Variants in UNC13C observed in about 807,000 individuals in gnomAD.
UNC13C encodes protein unc-13 homolog C.
Under a neutral mutation model 245.4 loss-of-function variants are expected in UNC13C, and 174 were observed. The observed-to-expected ratio is 0.71, with a 90% CI of 0.63 to 0.80. UNC13C has a LOEUF of 0.80. Among genes scored for constraint, UNC13C ranks in the 30% least tolerant of loss-of-function variants. UNC13C has a pLI of 0.00. For synonymous variants in UNC13C, 992 were observed against 895.1 expected, an observed-to-expected ratio of 1.11 and a Z score of -1.93; for missense variants, 2,829 against 2,602.9, an observed-to-expected ratio of 1.09 and a Z score of -1.89.
At chr15:54,592,234 A>C (rs1898830894) in intron 30 of UNC13C, among the ~76,000 whole-genome samples, 1 of 152,186 alleles carries the variant, frequency 6.6e-6, no homozygotes, top group Non-Finnish European at 1.5e-5. Context: ...ATCTTGGAGA[A>C]AGTTCCATGC....
At chr15:54,546,166 G>T (rs1343805593) in intron 26 of UNC13C, among the ~76,000 whole-genome samples, 1 of 152,174 alleles carries the variant, frequency 6.6e-6, no homozygotes, top group East Asian at 1.9e-4. Context: ...CATGTCCTTT[G>T]CAGGGACATG....
At chr15:54,213,400 G>C (rs142220231) in intron 4 of UNC13C, among the ~76,000 whole-genome samples, 1 of 151,944 alleles carries the variant, frequency 6.6e-6, no homozygotes, top group Non-Finnish European at 1.5e-5. Context: ...TCTAGTGAAA[G>C]TCAAACATGT....
At chr15:54,163,658 A>G (rs189107704) in intron 4 of UNC13C, among the ~76,000 whole-genome samples, 4 of 152,280 alleles carry the variant, frequency 2.6e-5, no homozygotes, top group African/African-American at 7.2e-5. Flanking sequence ...GATTGCTTTT[A>G]TCATCAATCT....
intron 2 of UNC13C, among the ~76,000 whole-genome samples, chr15:54,061,118 A>C (rs534138164): frequency 3.8e-4 from 1 of 2,598 alleles, no homozygotes; most frequent in Admixed American, 5.1e-3. Flanking sequence ...AAAGTATAAT[A>C]ATAATAAAAA....
At chr15:53,926,925 T>C in the UNC13C span, among the ~76,000 whole-genome samples, 1 of 152,126 alleles carries the variant, frequency 6.6e-6, no homozygotes, top group Admixed American at 6.5e-5. Flanking sequence ...ACTGGACAGG[T>C]AAGCAGGTGC....
intron 30 of UNC13C, among the ~76,000 whole-genome samples, chr15:54,569,955 T>C (rs148097466): frequency 7.6e-4 from 115 of 152,186 alleles, no homozygotes; most frequent in Non-Finnish European, 1.2e-3. Flanking sequence ...ACCAGACATG[T>C]TCAGGCCCAA....
intron 10 of UNC13C, among the ~76,000 whole-genome samples, chr15:54,265,830 A>G (rs2036537554): frequency 6.6e-6 from 1 of 151,996 alleles, no homozygotes; most frequent in African/African-American, 2.4e-5. Flanking sequence ...TTGATTTAAC[A>G]GTATCTTGAC....
At chr15:54,169,196 A>T (rs181772591) in intron 4 of UNC13C, among the ~76,000 whole-genome samples, 219 of 152,364 alleles carry the variant, frequency 1.4e-3, no homozygotes, top group African/African-American at 5.1e-3. Flanking sequence ...TAAAAAGCCC[A>T]AAAGAATGTT....
intron 10 of UNC13C, among the ~76,000 whole-genome samples, chr15:54,280,466 G>A (rs2036947319): frequency 6.6e-6 from 1 of 151,036 alleles, no homozygotes; most frequent in Non-Finnish European, 1.5e-5. Context: ...TTAAAATATT[G>A]ACAATAACAT....
At chr15:54,572,946 T>C (rs1321959440) in intron 30 of UNC13C, among the ~76,000 whole-genome samples, 3 of 152,166 alleles carry the variant, frequency 2.0e-5, no homozygotes, top group Non-Finnish European at 4.4e-5. Context: ...TCTCATCTCC[T>C]TCTCTTTTTT....
At chr15:54,353,490 T>C (rs1318900799) in intron 17 of UNC13C, among the ~76,000 whole-genome samples, 1 of 152,170 alleles carries the variant, frequency 6.6e-6, no homozygotes, top group African/African-American at 2.4e-5. Context: ...AATCCCAGTG[T>C]AGTAGTACCT....
At chr15:53,930,578 C>G in the UNC13C span, among the ~76,000 whole-genome samples, 1 of 152,138 alleles carries the variant, frequency 6.6e-6, no homozygotes, top group Non-Finnish European at 1.5e-5. Context: ...ACTAAATACA[C>G]AAACACTGGT....
the UNC13C span, among the ~76,000 whole-genome samples, chr15:53,931,421 G>A: frequency 1.3e-5 from 2 of 152,080 alleles, no homozygotes; most frequent in Non-Finnish European, 2.9e-5. Context: ...CACTCTTCTC[G>A]ACTTCCCAGA....
chr15:54,018,980 G>T (rs763807144), intron 2 of UNC13C, among the ~76,000 whole-genome samples: 1 of 152,054 alleles, frequency 6.6e-6, no homozygotes, highest in Non-Finnish European at 1.5e-5. Flanking sequence ...GCTTTTAATC[G>T]CTAAGACTAT....
At position 54,342,816 on chromosome 15, in the gene UNC13C, A is replaced by G. The variant is rs560892586; in HGVS notation, c.4713+4327A>G. Reference sequence around the variant, plus strand: ...TTTTTTTTGTTTTGCTTTATAAGAAAACAAATTAAGCTGAGTTTGGCATTG... The same window carrying G: ...TTTTTTTTGTTTTGCTTTATAAGAAGACAAATTAAGCTGAGTTTGGCATTG... On this transcript the variant is annotated intron_variant, in intron 17 of 32. Coordinates refer to ENST00000260323, the MANE Select transcript of UNC13C (RefSeq NM_001080534.3). Among the ~76,000 whole-genome samples, 312 of 152,248 alleles carry G rather than the reference A, an allele frequency of 2.0e-3. 1 individual carries two copies. The highest frequency in any genetic ancestry group is 6.5e-3 in the African/African-American group (270 of 41,572).
chr15:54,330,059 A>G (rs1489331069), intron 14 of UNC13C, among the ~76,000 whole-genome samples: 1 of 151,052 alleles, frequency 6.6e-6, no homozygotes, highest in Non-Finnish European at 1.5e-5. Context: ...TTTTTTTTCC[A>G]TTCGTTCTTT....
At chr15:54,422,260 TCTCTC>T (rs2040660397) in intron 19 of UNC13C, among the ~76,000 whole-genome samples, 1 of 151,926 alleles carries the variant, frequency 6.6e-6, no homozygotes. Flanking sequence ...CTCTCACACT[TCTCTC>T]CATCTCTACT....
chr15:54,594,977 C>G (rs796872899), intron 30 of UNC13C, among the ~76,000 whole-genome samples: 7 of 152,290 alleles, frequency 4.6e-5, no homozygotes, highest in African/African-American at 1.7e-4. Context: ...GCTCTTTGTT[C>G]TTAGGGCAGA....
chr15:53,968,479 A>G, the UNC13C span, among the ~76,000 whole-genome samples: 3 of 152,178 alleles, frequency 2.0e-5, no homozygotes, highest in Admixed American at 6.5e-5. Context: ...TTAAGCAGAT[A>G]TACCCAGTAT....
Sources: gnomAD v4.1 joint callset for allele counts (sites outside exome capture counted in the v4.1 genomes callset) on GRCh38, gnomAD v4.1.1 for gene constraint, MANE v1.5 for transcripts, NCBI Gene and HGNC (gene_info 2026-07-23, HGNC 2026-07-21) for gene names.